The following FA2H variants were observed in gnomAD, a reference collection of about 807,000 sequenced individuals.
FA2H encodes the protein fatty acid 2-hydroxylase, also known as fatty acid alpha-hydroxylase.
FA2H carries 22 observed loss-of-function variants against 44.9 expected under a neutral mutation model. The observed-to-expected ratio is 0.49, with a 90% CI of 0.35 to 0.70. The LOEUF is 0.70. Among genes scored for constraint, FA2H ranks in the 30% least tolerant of loss-of-function variants. The pLI is 0.01. For missense variants in FA2H, 501 were observed against 504.9 expected (o/e 0.99, Z 0.07); for synonymous variants, 243 against 213.2 (o/e 1.14, Z -1.22).
intron 1 of FA2H, among the ~76,000 whole-genome samples, chr16:74,750,758 T>C (rs948261257): frequency 3.0e-5 from 4 of 131,924 alleles, no homozygotes; most frequent in African/African-American, 1.2e-4. Context: ...CTCTTTTTTT[T>C]CACTGTGTGT....
intron 1 of FA2H, among the ~76,000 whole-genome samples, chr16:74,755,310 G>A (rs922104774): frequency 6.6e-6 from 1 of 152,110 alleles, no homozygotes; most frequent in Non-Finnish European, 1.5e-5. Context: ...CTCCAGAGTA[G>A]CTGGGACTAC....
At chr16:74,733,003 A>T (rs952513850) in intron 2 of FA2H, among the ~76,000 whole-genome samples, 2 of 152,228 alleles carry the variant, frequency 1.3e-5, no homozygotes, top group African/African-American at 4.8e-5. Context: ...ACCCGCAAGC[A>T]CTGCCACCTG....
intron 1 of FA2H, among the ~76,000 whole-genome samples, chr16:74,763,594 T>A (rs910170508): frequency 1.3e-5 from 2 of 152,138 alleles, no homozygotes; most frequent in Non-Finnish European, 2.9e-5. Flanking sequence ...TTTCTAGAGA[T>A]CCCTAAAAAC....
At chr16:74,762,823 C>T (rs1037449829) in intron 1 of FA2H, among the ~76,000 whole-genome samples, 2 of 152,166 alleles carry the variant, frequency 1.3e-5, no homozygotes, top group African/African-American at 4.8e-5. Context: ...CCACTGCACC[C>T]GGCCTAGAGT....
intron 1 of FA2H, among the ~76,000 whole-genome samples, chr16:74,770,010 G>C (rs1367617140): frequency 6.6e-6 from 1 of 152,206 alleles, no homozygotes; most frequent in Non-Finnish European, 1.5e-5. Flanking sequence ...GGTGCAGGGG[G>C]AACAAACGGG....
At chr16:74,728,783 T>TTA (rs1962011213) in intron 2 of FA2H, among the ~76,000 whole-genome samples, 1 of 114,746 alleles carries the variant, frequency 8.7e-6, no homozygotes, top group African/African-American at 4.1e-5. Flanking sequence ...TCTCTTTCTT[T>TTA]TTTTTTTTTT....
Position 74,714,154 on chromosome 16 carries a change from G to A in FA2H, c.*36C>T. 7.1e-7 allele frequency: 1 copy of A among 1,408,280 alleles called. No individual in the cohort carries two copies. The highest frequency in any genetic ancestry group is 1.2e-5 in the South Asian group (1 of 81,134). 87.2% of individuals were successfully genotyped at this position (1,408,280 alleles called of 1,614,324 possible). On this transcript the variant is annotated 3_prime_UTR_variant, in exon 7 of 7. Coordinates refer to ENST00000219368, the MANE Select transcript of FA2H (RefSeq NM_024306.5). ...GGGTGGGGGTCGGGAAGGGGCCAGG[G>A]CCGGGCTGAGGGCAGGACGGAGGGG...
intron 1 of FA2H, among the ~76,000 whole-genome samples, chr16:74,750,908 A>G (rs1183282087): frequency 1.3e-5 from 2 of 151,812 alleles, no homozygotes; most frequent in Non-Finnish European, 2.9e-5. Flanking sequence ...CAGCCTCCTG[A>G]GTAGTTAGGA....
At chr16:74,749,369 G>A (rs1190222858) in intron 1 of FA2H, among the ~76,000 whole-genome samples, 1 of 120,620 alleles carries the variant, frequency 8.3e-6, no homozygotes, top group Non-Finnish European at 1.7e-5. Flanking sequence ...CCCACCCCTC[G>A]CCCTCCCCGC....
chr16:74,738,707 C>A (rs919055585), intron 2 of FA2H, among the ~76,000 whole-genome samples: 2 of 152,128 alleles, frequency 1.3e-5, no homozygotes, highest in African/African-American at 4.8e-5. Context: ...CCCTTTGGTC[C>A]CCTCATCAGT....
At chr16:74,767,961 C>A (rs1333841110) in intron 1 of FA2H, among the ~76,000 whole-genome samples, 1 of 152,094 alleles carries the variant, frequency 6.6e-6, no homozygotes, top group Non-Finnish European at 1.5e-5. Flanking sequence ...CACTGACCAC[C>A]GGGTGGAGGA....
At chr16:74,728,192 G>A (rs1317448366) in intron 2 of FA2H, among the ~76,000 whole-genome samples, 3 of 152,226 alleles carry the variant, frequency 2.0e-5, no homozygotes, top group Non-Finnish European at 4.4e-5. Context: ...GGGAGGCTGA[G>A]GCAGGATAAC....
chr16:74,727,446 C>G, intron 2 of FA2H, 60 bp from the exon 3 acceptor site: 13 of 1,574,090 alleles, frequency 8.3e-6, no homozygotes, highest in Non-Finnish European at 1.0e-5. Context: ...TTCGTTCTCC[C>G]ATTTCCTCGT....
chr16:74,726,467 C>G, intron 3 of FA2H, 136 bp from the exon 4 acceptor site: 1 of 611,044 alleles, frequency 1.6e-6, no homozygotes, highest in Non-Finnish European at 3.0e-6. Context: ...CGGCTCACTG[C>G]AACCTCTGCC....
intron 1 of FA2H, among the ~76,000 whole-genome samples, chr16:74,762,082 AC>A (rs1278039656): frequency 2.0e-5 from 3 of 150,054 alleles, no homozygotes; most frequent in Admixed American, 6.6e-5. Flanking sequence ...TCTCACTGTC[AC>A]CCAGGCTGGA....
At chr16:74,725,701 A>G (rs1961937269) in intron 4 of FA2H, among the ~76,000 whole-genome samples, 1 of 152,184 alleles carries the variant, frequency 6.6e-6, no homozygotes, top group African/African-American at 2.4e-5. Flanking sequence ...GCACATGGCA[A>G]GTGTCCCATA....
At position 74,753,899 on chromosome 16, in the gene FA2H, T is replaced by C. The variant is rs1314153727; in HGVS notation, c.271-13784A>G. On this transcript the variant is annotated intron_variant, in intron 1 of 6. Coordinates refer to ENST00000219368, the MANE Select transcript of FA2H (RefSeq NM_024306.5). The stretch of plus-strand genomic sequence containing the variant: ...GTTTGGAGGGTGGCCTTATAATCTT[T>C]TAAAAATATAATCTACGCACATTAA... Among the ~76,000 whole-genome samples the C allele has an allele frequency of 7.2e-5, 11 of 152,348 alleles. No individual in the cohort carries two copies. In the East Asian group the frequency reaches 7.7e-4, roughly 11 times the overall value.
chr16:74,774,802 T>A lies in FA2H; in HGVS notation c.-47A>T. 1 of 1,264,244 alleles carries A rather than the reference T, an allele frequency of 7.9e-7. No homozygotes were observed. Among genetic ancestry groups the A allele is most frequent in the South Asian group, 3.1e-5 (1 of 32,758 alleles). The allele number at this position is 1,264,244 out of a possible 1,614,324, so 78.3% of individuals were successfully genotyped here. A position where few individuals can be genotyped will look rare whatever the true frequency, so the allele number is the denominator to read the frequency against. The stretch of plus-strand genomic sequence containing the variant: ...GCGCGCAGCCCGGCGTCTGCTCTGC[T>A]GCCACCCTGAGCGCCTCTAACATCC... On this transcript the variant is annotated 5_prime_UTR_variant, in exon 1 of 7. Coordinates refer to ENST00000219368, the MANE Select transcript of FA2H (RefSeq NM_024306.5).
chr16:74,749,358 AC>A (rs1418067139), intron 1 of FA2H, among the ~76,000 whole-genome samples: 1 of 106,868 alleles, frequency 9.4e-6, no homozygotes, highest in Non-Finnish European at 1.9e-5. Context: ...CCCGAAGCCC[AC>A]CCACCCCTCG....
Sources: gnomAD v4.1 joint callset for allele counts (sites outside exome capture counted in the v4.1 genomes callset) on GRCh38, gnomAD v4.1.1 for gene constraint, MANE v1.5 for transcripts, NCBI Gene and HGNC (gene_info 2026-07-23, HGNC 2026-07-21) for gene names.